The following HS6ST3 variants were observed in gnomAD, a reference collection of about 807,000 sequenced individuals.
The protein encoded by HS6ST3 is heparan sulfate 6-O-sulfotransferase 3.
Under a neutral mutation model 36.7 loss-of-function variants are expected in HS6ST3, and 12 were observed. That is an observed-to-expected ratio of 0.33 (90% CI 0.21 to 0.53). HS6ST3 has a LOEUF of 0.53. HS6ST3 is among the 20% of genes least tolerant of loss of function. The probability of loss-of-function intolerance (pLI) is 0.95; values close to 1 mark genes in which losing one functional copy is unlikely to be tolerated. For synonymous variants in HS6ST3, 240 were observed against 257.5 expected (o/e 0.93, Z 0.65); for missense variants, 584 against 640.9 (o/e 0.91, Z 0.96).
At chr13:96,352,552 C>T (rs933547621) in intron 1 of HS6ST3, among the ~76,000 whole-genome samples, 5 of 152,158 alleles carry the variant, frequency 3.3e-5, no homozygotes, top group South Asian at 2.1e-4. Flanking sequence ...TTGAATGCCA[C>T]ACATAATCAT....
chr13:96,778,491 C>T (rs1877447752), intron 1 of HS6ST3, among the ~76,000 whole-genome samples: 1 of 151,794 alleles, frequency 6.6e-6, no homozygotes, highest in East Asian at 1.9e-4. Flanking sequence ...AAAAACAACC[C>T]CATCAAAAAG....
intron 1 of HS6ST3, among the ~76,000 whole-genome samples, chr13:96,749,193 A>AT (rs529090670): frequency 5.9e-5 from 9 of 151,308 alleles, no homozygotes; most frequent in African/African-American, 1.7e-4. Context: ...GCACAACTAC[A>AT]TTTTTTTTTA....
At chr13:96,647,811 A>G (rs1239919710) in intron 1 of HS6ST3, among the ~76,000 whole-genome samples, 1 of 151,996 alleles carries the variant, frequency 6.6e-6, no homozygotes, top group African/African-American at 2.4e-5. Flanking sequence ...AAAGGAAATA[A>G]GAGATACTTT....
chr13:96,364,198 C>T (rs2055252539), intron 1 of HS6ST3, among the ~76,000 whole-genome samples: 1 of 152,046 alleles, frequency 6.6e-6, no homozygotes, highest in Admixed American at 6.6e-5. Flanking sequence ...TAAAATGGTG[C>T]AACCACCATG....
chr13:96,693,237 C>T (rs1277298514), intron 1 of HS6ST3, among the ~76,000 whole-genome samples: 2 of 152,134 alleles, frequency 1.3e-5, no homozygotes, highest in Non-Finnish European at 2.9e-5. Flanking sequence ...GAATATGGAA[C>T]AACCTTCTCT....
chr13:96,793,177 CCTGGTAAT>C (rs948024798), intron 1 of HS6ST3, among the ~76,000 whole-genome samples: 3 of 152,010 alleles, frequency 2.0e-5, no homozygotes, highest in African/African-American at 7.2e-5. Context: ...GTCTCAAAGT[CCTGGTAAT>C]GAGGTGCCCT....
At chr13:96,324,026 T>G (rs1156390900) in intron 1 of HS6ST3, among the ~76,000 whole-genome samples, 1 of 152,064 alleles carries the variant, frequency 6.6e-6, no homozygotes, top group Non-Finnish European at 1.5e-5. Flanking sequence ...AAGCCTCCTA[T>G]AAATGAATCA....
At chr13:96,293,342 T>C (rs1352956562) in intron 1 of HS6ST3, among the ~76,000 whole-genome samples, 1 of 152,126 alleles carries the variant, frequency 6.6e-6, no homozygotes, top group Non-Finnish European at 1.5e-5. Flanking sequence ...ATTAATCACT[T>C]AGTTTGATAT....
At chr13:96,792,391 C>T (rs751983356) in intron 1 of HS6ST3, among the ~76,000 whole-genome samples, 53 of 151,962 alleles carry the variant, frequency 3.5e-4, no homozygotes, top group Non-Finnish European at 5.4e-4. Context: ...ATTGTGACGC[C>T]CCCTCTGGTG....
chr13:96,599,047 A>T (rs559873199), intron 1 of HS6ST3, among the ~76,000 whole-genome samples: 76 of 152,072 alleles, frequency 5.0e-4, no homozygotes, highest in Non-Finnish European at 6.8e-4. Flanking sequence ...TCTTTTTGAT[A>T]TGTTGTTGGA....
intron 1 of HS6ST3, among the ~76,000 whole-genome samples, chr13:96,701,581 T>G (rs1392656239): frequency 6.6e-6 from 1 of 152,280 alleles, no homozygotes; most frequent in East Asian, 1.9e-4. Context: ...TCCTGTATAC[T>G]TGGCACTTCA....
chr13:96,822,009 G>A (rs1017738254), intron 1 of HS6ST3, among the ~76,000 whole-genome samples: 11 of 152,258 alleles, frequency 7.2e-5, no homozygotes, highest in Admixed American at 2.6e-4. Flanking sequence ...CAATTACAAC[G>A]GAGACACCTC....
At chr13:96,611,211 T>A (rs1470410411) in intron 1 of HS6ST3, among the ~76,000 whole-genome samples, 1 of 151,762 alleles carries the variant, frequency 6.6e-6, no homozygotes, top group Non-Finnish European at 1.5e-5. Context: ...TGAATACATG[T>A]GCCATGCTGG....
chr13:96,722,853 T>A (rs953934521), intron 1 of HS6ST3, among the ~76,000 whole-genome samples: 1 of 152,090 alleles, frequency 6.6e-6, no homozygotes, highest in Admixed American at 6.5e-5. Context: ...GGCGTGCGCC[T>A]GTAGTCCCAG....
chr13:96,430,937 C>T (rs1282024200), intron 1 of HS6ST3, among the ~76,000 whole-genome samples: 1 of 152,064 alleles, frequency 6.6e-6, no homozygotes. Context: ...TAGCTTGGTG[C>T]AGTGGCTCAT....
intron 1 of HS6ST3, among the ~76,000 whole-genome samples, chr13:96,701,241 G>T (rs185763567): frequency 1.3e-5 from 2 of 152,230 alleles, no homozygotes; most frequent in African/African-American, 4.8e-5. Flanking sequence ...ATTAAAACCC[G>T]CCTTTCACTT....
intron 1 of HS6ST3, among the ~76,000 whole-genome samples, chr13:96,349,920 A>C (rs916606928): frequency 3.3e-5 from 5 of 152,208 alleles, no homozygotes; most frequent in Non-Finnish European, 7.4e-5. Flanking sequence ...CAAGGAAATC[A>C]TCTAACTCCA....
intron 1 of HS6ST3, among the ~76,000 whole-genome samples, chr13:96,448,426 C>T (rs183543697): frequency 5.5e-4 from 83 of 152,186 alleles, no homozygotes; most frequent in Non-Finnish European, 1.1e-3. Flanking sequence ...AATACTAAAC[C>T]AAATGCACCG....
At chr13:96,182,089 G>T (rs1230632838) in intron 1 of HS6ST3, among the ~76,000 whole-genome samples, 2 of 152,116 alleles carry the variant, frequency 1.3e-5, no homozygotes, top group African/African-American at 2.4e-5. Context: ...TAACTAGTTG[G>T]CAAAGGAATC....
Sources: allele counts gnomAD v4.1 joint callset (sites outside exome capture counted in the v4.1 genomes callset), GRCh38; gene constraint gnomAD v4.1.1; transcripts MANE v1.5; gene names NCBI Gene and HGNC (gene_info 2026-07-23, HGNC 2026-07-21).